Variants in ZNF423 observed in about 807,000 individuals in gnomAD.
ZNF423 encodes zinc finger protein 423.
A neutral mutation model predicts 95.8 loss-of-function variants in ZNF423; 12 were observed. The observed-to-expected ratio is 0.13, with a 90% CI of 0.08 to 0.20. The LOEUF (loss-of-function observed/expected upper bound fraction) is 0.20, where lower values mean the gene tolerates loss of function less well. Among genes scored for constraint, ZNF423 ranks in the 10% least tolerant of loss-of-function variants. The pLI is 1.00. For missense variants in ZNF423, 1,316 were observed against 1,737.1 expected, an observed-to-expected ratio of 0.76 and a Z score of 4.31; for synonymous variants, 749 against 711.9, an observed-to-expected ratio of 1.05 and a Z score of -0.83.
intron 5 of ZNF423, among the ~76,000 whole-genome samples, chr16:49,586,405 G>A (rs928573200): frequency 4.6e-5 from 7 of 151,998 alleles, no homozygotes; most frequent in African/African-American, 1.7e-4. Context: ...ACAACAAAAG[G>A]CGATGATTAT....
intron 1 of ZNF423, among the ~76,000 whole-genome samples, chr16:49,795,083 G>A (rs7499405): frequency 0.54 from 82,702 of 151,766 alleles, 22,587 homozygotes; most frequent in Middle Eastern, 0.62. Flanking sequence ...TGTTAGCCAG[G>A]CTGGTCTTGA....
At chr16:49,822,166 C>T (rs894669804) in intron 1 of ZNF423, among the ~76,000 whole-genome samples, 8 of 142,536 alleles carry the variant, frequency 5.6e-5, no homozygotes, top group East Asian at 2.0e-4. Flanking sequence ...AAGTCACCCC[C>T]GCAGGAATTT....
In ZNF423 at chr16:49,787,700, C is replaced by G. The variant is rs576785404; in HGVS notation, c.100+1787G>C. Among the ~76,000 whole-genome samples, 186 of 152,254 alleles carry G rather than the reference C, an allele frequency of 1.2e-3. 1 individual carries two copies. Among genetic ancestry groups the G allele is most frequent in the African/African-American group, 4.4e-3 (184 of 41,560 alleles). On this transcript the variant is annotated intron_variant, in intron 2 of 7. Coordinates refer to ENST00000563137, the MANE Select transcript of ZNF423 (RefSeq NM_001379286.1). ...GGGATGCAGCTGGGGTGCTTGACAC[C>G]CCCCCTGCCCAGGGCTGTCTGTCTA...
intron 3 of ZNF423, among the ~76,000 whole-genome samples, chr16:49,643,339 C>G (rs1973047194): frequency 6.6e-6 from 1 of 152,150 alleles, no homozygotes; most frequent in Non-Finnish European, 1.5e-5. Flanking sequence ...GCCAGGCATT[C>G]TTCTAAGAGT....
chr16:49,570,855 A>G (rs1303637829), intron 5 of ZNF423, among the ~76,000 whole-genome samples: 1 of 152,098 alleles, frequency 6.6e-6, no homozygotes, highest in Non-Finnish European at 1.5e-5. Flanking sequence ...CCAGAAGGCC[A>G]CCCCCAGCAC....
Position 49,789,473 on chromosome 16 carries a change from C to T in ZNF423, c.100+14G>A. 6.2e-7 allele frequency: 1 copy of T among 1,611,372 alleles called. No homozygotes were observed. The highest frequency in any genetic ancestry group is 8.5e-7 in the Non-Finnish European group (1 of 1,179,176). On this transcript the variant is annotated intron_variant, in intron 2 of 7. Coordinates refer to ENST00000563137, the MANE Select transcript of ZNF423 (RefSeq NM_001379286.1). The stretch of plus-strand genomic sequence containing the variant: ...GACCCCCTGCAACTCTTCCACCAGC[C>T]CCCGGGCATTTACCTGCTGCTGTCA...
At chr16:49,817,162 C>T (rs779618238) in intron 1 of ZNF423, among the ~76,000 whole-genome samples, 13 of 152,210 alleles carry the variant, frequency 8.5e-5, no homozygotes, top group Non-Finnish European at 1.3e-4. Flanking sequence ...TGCCAAGTAG[C>T]TGGGGCACGC....
intron 5 of ZNF423, among the ~76,000 whole-genome samples, chr16:49,557,532 G>T (rs543814833): frequency 6.6e-6 from 1 of 152,346 alleles, no homozygotes; most frequent in East Asian, 1.9e-4. Context: ...TGGTGGTGGG[G>T]ACACGGGTGC....
At chr16:49,587,273 C>G (rs1214815931) in intron 5 of ZNF423, among the ~76,000 whole-genome samples, 2 of 152,152 alleles carry the variant, frequency 1.3e-5, no homozygotes, top group African/African-American at 4.8e-5. Context: ...GGTCCCTGTG[C>G]TTTAGACAAA....
At chr16:49,808,586 G>C (rs185623568) in intron 1 of ZNF423, among the ~76,000 whole-genome samples, 147 of 152,194 alleles carry the variant, frequency 9.7e-4, no homozygotes, top group Middle Eastern at 3.4e-3. Context: ...TGGATCTCCG[G>C]GAACCCACTC....
chr16:49,733,288 A>G (rs1300242023), intron 2 of ZNF423, among the ~76,000 whole-genome samples: 1 of 152,228 alleles, frequency 6.6e-6, no homozygotes, highest in African/African-American at 2.4e-5. Context: ...CCGACCCTCC[A>G]GATAATAAGT....
intron 2 of ZNF423, among the ~76,000 whole-genome samples, chr16:49,783,669 G>A (rs887123930): frequency 1.2e-4 from 18 of 152,020 alleles, no homozygotes; most frequent in African/African-American, 3.9e-4. Flanking sequence ...GCTGTGATGC[G>A]CAGAATAAAG....
At chr16:49,834,497 G>A (rs1305429033) in intron 1 of ZNF423, among the ~76,000 whole-genome samples, 1 of 152,214 alleles carries the variant, frequency 6.6e-6, no homozygotes, top group Non-Finnish European at 1.5e-5. Context: ...GAGATTTAGG[G>A]GAAGAATGGG....
chr16:49,499,445 G>A (rs1967298236), intron 7 of ZNF423, among the ~76,000 whole-genome samples: 1 of 152,234 alleles, frequency 6.6e-6, no homozygotes, highest in African/African-American at 2.4e-5. Flanking sequence ...GATTGGCTTT[G>A]GGGTGGGGGT....
chr16:49,787,005 AGCT>A (rs2034324838), intron 2 of ZNF423, among the ~76,000 whole-genome samples: 1 of 152,138 alleles, frequency 6.6e-6, no homozygotes, highest in Admixed American at 6.5e-5. Flanking sequence ...GAAATTATGG[AGCT>A]GCTGCTGGAA....
At chr16:49,721,357 T>C (rs2032861047) in intron 3 of ZNF423, among the ~76,000 whole-genome samples, 1 of 152,088 alleles carries the variant, frequency 6.6e-6, no homozygotes, top group Non-Finnish European at 1.5e-5. Flanking sequence ...CGGCCCCGAA[T>C]ACACAGCAGG....
chr16:49,539,368 C>A (rs1969170478), intron 5 of ZNF423, among the ~76,000 whole-genome samples: 1 of 152,302 alleles, frequency 6.6e-6, no homozygotes, highest in South Asian at 2.1e-4. Context: ...ATTCTCAGGG[C>A]TGGACATACC....
intron 3 of ZNF423, among the ~76,000 whole-genome samples, chr16:49,719,848 T>G (rs1183675336): frequency 6.6e-6 from 1 of 152,164 alleles, no homozygotes; most frequent in African/African-American, 2.4e-5. Context: ...AGTGTGAAAA[T>G]GAACTAATAT....
In ZNF423 at chr16:49,650,618, TG is replaced by T. The variant is rs201933697; in HGVS notation, c.302-11745del. 1.4e-3 allele frequency among the ~76,000 whole-genome samples: 212 copies of T among 152,302 alleles called. 5 individuals carry two copies. In the East Asian group the frequency reaches 0.036, roughly 26 times the overall value. On this transcript the variant is annotated intron_variant, in intron 3 of 7. Transcript: ENST00000563137. ...TTATTATCCCCATATTACGAGTAAG[TG>T]GGGGGCCACACACCCAGGCATCCTG...
Sources: allele counts gnomAD v4.1 joint callset (sites outside exome capture counted in the v4.1 genomes callset), GRCh38; gene constraint gnomAD v4.1.1; transcripts MANE v1.5; gene names NCBI Gene and HGNC (gene_info 2026-07-23, HGNC 2026-07-21).